The following DCDC2 variants were observed in gnomAD, a reference collection of about 807,000 sequenced individuals.
The protein encoded by DCDC2 is doublecortin domain-containing protein 2.
In DCDC2, 40 loss-of-function variants were observed where a neutral mutation model predicts 50.2. The observed-to-expected ratio is 0.80, with a 90% CI of 0.62 to 1.04. The LOEUF (loss-of-function observed/expected upper bound fraction) is 1.04, where lower values mean the gene tolerates loss of function less well. DCDC2 is among the 50% of genes least tolerant of loss of function. DCDC2 has a pLI of 0.00. For missense variants in DCDC2, 570 were observed against 581.9 expected (o/e 0.98, Z 0.21); for synonymous variants, 234 against 210.6 (o/e 1.11, Z -0.96).
chr6:24,248,359 C>T (rs1278356812), intron 7 of DCDC2, among the ~76,000 whole-genome samples: 1 of 152,176 alleles, frequency 6.6e-6, no homozygotes, highest in Admixed American at 6.5e-5. Flanking sequence ...ATGGTCTGAA[C>T]CTCTTCAAGC....
At position 24,179,953 on chromosome 6, in the gene DCDC2, C is replaced by CAAAAA. The variant is rs56376644; in HGVS notation, c.1024-1326_1024-1322dup. The stretch of plus-strand genomic sequence containing the variant: ...TGGGCGACAGAGCAAGACTCCATCT[C>CAAAAA]AAAAAAAAAAAAAAAAAACAAGGGG... On this transcript the variant is annotated intron_variant, in intron 8 of 9. Transcript: ENST00000378454. Among the ~76,000 whole-genome samples, 21 of 85,956 alleles carry CAAAAA rather than the reference C, an allele frequency of 2.4e-4. 1 individual carries two copies. The highest frequency in any genetic ancestry group is 6.1e-4 in the African/African-American group (13 of 21,400). The allele number at this position is 85,956 out of a possible 152,430, so 56.4% of individuals were successfully genotyped here.
intron 7 of DCDC2, among the ~76,000 whole-genome samples, chr6:24,221,929 C>T (rs1039630170): frequency 3.3e-5 from 5 of 152,172 alleles, no homozygotes; most frequent in Admixed American, 3.3e-4. Flanking sequence ...AATCTGAACA[C>T]ATGTTTTAAG....
Position 24,317,849 on chromosome 6 carries a change from C to T in DCDC2, c.349-15805G>A, listed in dbSNP as rs550708908. On this transcript the variant is annotated intron_variant, in intron 2 of 9. Coordinates refer to ENST00000378454, the MANE Select transcript of DCDC2 (RefSeq NM_016356.5). Reference sequence around the variant, plus strand: ...GAAAAAATGAAAGGACAAGAACAGGCAATTCATGTTTTTAAAAAAAATCTA... The same window carrying T: ...GAAAAAATGAAAGGACAAGAACAGGTAATTCATGTTTTTAAAAAAAATCTA... 3.3e-5 allele frequency among the ~76,000 whole-genome samples: 5 copies of T among 150,954 alleles called. No individual in the cohort carries two copies. In the South Asian group the frequency reaches 1.1e-3, roughly 32 times the overall value.
intron 7 of DCDC2, among the ~76,000 whole-genome samples, chr6:24,205,634 A>C (rs934127992): frequency 5.3e-5 from 8 of 151,982 alleles, no homozygotes; most frequent in Non-Finnish European, 1.2e-4. Context: ...AATCAGTATC[A>C]TTTATTCTGC....
the DCDC2 span, among the ~76,000 whole-genome samples, chr6:24,382,009 A>AAGGAAGGAAGGAAGGAAGGAAGGCAGGC: frequency 8.6e-5 from 10 of 116,496 alleles, no homozygotes; most frequent in South Asian, 1.0e-3. Flanking sequence ...GGAAGGAAGG[A>AAGGAAGGAAGGAAGGAAGGAAGGCAGGC]AGGCAGGCAA....
intron 7 of DCDC2, among the ~76,000 whole-genome samples, chr6:24,216,966 G>A (rs1561894046): frequency 6.6e-6 from 1 of 152,174 alleles, no homozygotes; most frequent in Non-Finnish European, 1.5e-5. Flanking sequence ...CGAGGAAGTA[G>A]AAGAAAGTGA....
intron 7 of DCDC2, among the ~76,000 whole-genome samples, chr6:24,231,478 A>G (rs1013326589): frequency 1.3e-5 from 2 of 152,198 alleles, no homozygotes; most frequent in African/African-American, 4.8e-5. Flanking sequence ...GTTTGCTTTT[A>G]AAAGGATATA....
rs750358293 is a variant in DCDC2 at position 24,288,956 on chromosome 6, T to C, written c.705-50A>G. ...AAATCTGAATGTTGTTTACAAATAATGTACAATGCAAGATAATTATCATCC... is the reference window on the plus strand; with the variant it reads ...AAATCTGAATGTTGTTTACAAATAACGTACAATGCAAGATAATTATCATCC... On this transcript the variant is annotated intron_variant, in intron 5 of 9. Transcript: ENST00000378454. The C allele has an allele frequency of 8.6e-6, 12 of 1,388,298 alleles. No homozygotes were observed. In the East Asian group the frequency reaches 2.8e-4, roughly 32 times the overall value. The allele number at this position is 1,388,298 out of a possible 1,614,324, so 86.0% of individuals were successfully genotyped here.
intron 8 of DCDC2, among the ~76,000 whole-genome samples, chr6:24,201,226 ATT>A (rs1761580819): frequency 6.6e-6 from 1 of 152,200 alleles, no homozygotes; most frequent in Non-Finnish European, 1.5e-5. Flanking sequence ...CATCACACTT[ATT>A]CTAAAATTGA....
chr6:24,290,968 A>T lies in DCDC2; in HGVS notation c.668T>A (p.Leu223Ter). The stretch of plus-strand genomic sequence containing the variant: ...TCTCATCGTTGACTTGTCAAAAAGT[A>T]ACTCACTGTAAGGCAGTTTCTTAAA... ...DKFKKLPYSE[L>*]LFDKSTMRRP... The change falls in exon 5 of 10, where the codon TTA (leucine) becomes TAA (stop). Residue 223 changes from leucine to a stop codon, truncating the protein, a stop_gained. Coordinates refer to ENST00000378454, the MANE Select transcript of DCDC2 (RefSeq NM_016356.5). LOFTEE classifies it high-confidence loss of function. The T allele has an allele frequency of 6.2e-7, 1 of 1,614,026 alleles. No individual in the cohort carries two copies. The highest frequency in any genetic ancestry group is 8.5e-7 in the Non-Finnish European group (1 of 1,179,968).
intron 2 of DCDC2, among the ~76,000 whole-genome samples, chr6:24,348,537 A>T (rs1275094755): frequency 6.6e-6 from 1 of 152,230 alleles, no homozygotes; most frequent in South Asian, 2.1e-4. Context: ...TAGCAAAGCG[A>T]CCTTTTCCTC....
intron 4 of DCDC2, among the ~76,000 whole-genome samples, 186 bp from the exon 5 acceptor site, chr6:24,291,264 A>G (rs1581635021): frequency 6.6e-6 from 1 of 152,196 alleles, no homozygotes; most frequent in East Asian, 1.9e-4. Flanking sequence ...AAGTTATCAG[A>G]TTCCACTAAA....
chr6:24,371,875 CTCA>C, the DCDC2 span, among the ~76,000 whole-genome samples: 1 of 152,154 alleles, frequency 6.6e-6, no homozygotes, highest in African/African-American at 2.4e-5. Context: ...TGAAAAAATG[CTCA>C]TCATCACTGG....
At chr6:24,285,189 G>A (rs1415599953) in intron 6 of DCDC2, among the ~76,000 whole-genome samples, 3 of 152,114 alleles carry the variant, frequency 2.0e-5, no homozygotes, top group African/African-American at 7.2e-5. Flanking sequence ...CGGATGGAGT[G>A]GATGAATACA....
Position 24,271,207 on chromosome 6 carries a change from C to CA in DCDC2, c.922+6841dup, listed in dbSNP as rs543819229. Reference sequence around the variant, plus strand: ...TGGGTGACAGAGTGAGACACTCCCTCAAAAAAAAAAAAAAAAAAGAGAGAG... The same window carrying CA: ...TGGGTGACAGAGTGAGACACTCCCTCAAAAAAAAAAAAAAAAAAAGAGAGAG... On this transcript the variant is annotated intron_variant, in intron 7 of 9. Transcript: ENST00000378454. Among the ~76,000 whole-genome samples, 52 of 39,404 alleles carry CA rather than the reference C, an allele frequency of 1.3e-3. 3 individuals carry two copies. The highest frequency in any genetic ancestry group is 4.1e-3 in the African/African-American group (39 of 9,594). 25.9% of individuals were successfully genotyped at this position (39,404 alleles called of 152,430 possible). A position where few individuals can be genotyped will look rare whatever the true frequency, so the allele number is the denominator to read the frequency against.
At chr6:24,240,802 G>C (rs1481179666) in intron 7 of DCDC2, among the ~76,000 whole-genome samples, 1 of 152,168 alleles carries the variant, frequency 6.6e-6, no homozygotes, top group Non-Finnish European at 1.5e-5. Flanking sequence ...TGAGAGTTTA[G>C]GCTATCGTAA....
intron 7 of DCDC2, among the ~76,000 whole-genome samples, chr6:24,263,073 T>G (rs1763046951): frequency 1.3e-5 from 2 of 151,916 alleles, no homozygotes; most frequent in Non-Finnish European, 2.9e-5. Flanking sequence ...GGGAAAAGAG[T>G]CTCTGCCTGG....
intron 2 of DCDC2, among the ~76,000 whole-genome samples, chr6:24,306,450 C>G (rs1248787178): frequency 6.6e-6 from 1 of 151,734 alleles, no homozygotes; most frequent in African/African-American, 2.4e-5. Context: ...CTGGAGCAGG[C>G]TGAAGAGGCT....
At chr6:24,371,096 T>G in the DCDC2 span, among the ~76,000 whole-genome samples, 99 of 151,762 alleles carry the variant, frequency 6.5e-4, no homozygotes, top group African/African-American at 2.2e-3. Flanking sequence ...GCCAACATAG[T>G]GAAACCCTGT....
Sources: allele counts gnomAD v4.1 joint callset (sites outside exome capture counted in the v4.1 genomes callset), GRCh38; gene constraint gnomAD v4.1.1; transcripts MANE v1.5; gene names NCBI Gene and HGNC (gene_info 2026-07-23, HGNC 2026-07-21).